The following EPN1 variants were observed in gnomAD, a reference collection of about 807,000 sequenced individuals.
EPN1 encodes the protein epsin 1, also known as epsin-1.
EPN1 carries 25 observed loss-of-function variants against 56.9 expected under a neutral mutation model. That is an observed-to-expected ratio of 0.44 (90% CI 0.32 to 0.61). The LOEUF (loss-of-function observed/expected upper bound fraction) is 0.61, where lower values mean the gene tolerates loss of function less well. Among genes scored for constraint, EPN1 ranks in the 20% least tolerant of loss-of-function variants. EPN1 has a pLI of 0.05. For missense variants in EPN1, 785 were observed against 823.7 expected, an observed-to-expected ratio of 0.95 and a Z score of 0.58; for synonymous variants, 411 against 361.8, an observed-to-expected ratio of 1.14 and a Z score of -1.54.
chr19:55,687,945 G>A (rs1986275834), intron 3 of EPN1, among the ~76,000 whole-genome samples: 2 of 152,222 alleles, frequency 1.3e-5, no homozygotes, highest in Admixed American at 6.5e-5. Flanking sequence ...TGCTCGTCAG[G>A]GAGAGGCCTG....
At position 55,680,110 on chromosome 19, in the gene EPN1, G is replaced by A. The variant is rs1019523565; in HGVS notation, c.228+1255G>A. 5.9e-5 allele frequency among the ~76,000 whole-genome samples: 9 copies of A among 152,298 alleles called. No individual in the cohort carries two copies. In the South Asian group the frequency reaches 1.4e-3, roughly 25 times the overall value. On this transcript the variant is annotated intron_variant, in intron 2 of 10. Coordinates refer to ENST00000270460, the MANE Select transcript of EPN1 (RefSeq NM_001130072.2). ...TGTGGTGCTGGCAGCCAGGGTGGAC[G>A]GCAGGACAGGGCAGTGCAGGAGAGG...
At chr19:55,677,772 C>T in intron 1 of EPN1, 4 of 1,474,682 alleles carry the variant, frequency 2.7e-6, no homozygotes, top group Non-Finnish European at 3.6e-6. Context: ...TTAATCCCTT[C>T]ATCAGCCTTC....
chr19:55,693,787 G>A (rs897779446), intron 9 of EPN1, among the ~76,000 whole-genome samples: 28 of 152,152 alleles, frequency 1.8e-4, no homozygotes, highest in Non-Finnish European at 3.1e-4. Context: ...CTGCACCCAC[G>A]CTTCCCTCCT....
At chr19:55,693,627 C>T (rs1232390205) in intron 9 of EPN1, among the ~76,000 whole-genome samples, 3 of 152,330 alleles carry the variant, frequency 2.0e-5, no homozygotes, top group South Asian at 4.1e-4. Flanking sequence ...TGCTTCGCCG[C>T]GGCCCTCAGC....
chr19:55,677,103 A>G lies in EPN1; in HGVS notation c.-101-1424A>G, dbSNP rs1985488327. 1.1e-5 allele frequency: 17 copies of G among 1,544,218 alleles called. No individual in the cohort carries two copies. The East Asian group carries it at 1.5e-4, about 13-fold the overall frequency. ...AGGCCAGCCTCTCTCCGTCATCCCT[A>G]TCTCCCCTGGGCTTACATCATGGCG... On this transcript the variant is annotated intron_variant, in intron 1 of 10. Transcript: ENST00000270460.
chr19:55,693,724 G>A (rs1187492645), intron 9 of EPN1, among the ~76,000 whole-genome samples: 8 of 152,144 alleles, frequency 5.3e-5, no homozygotes, highest in Admixed American at 4.6e-4. Flanking sequence ...AGCAGGTTGT[G>A]GTACAGAAAC....
rs1439423320 is a variant in EPN1, at chr19:55,706,156, T to TCCTCCTC, written c.*10804_*10805insCTCCCTC. The TCCTCCTC allele has an allele frequency of 5.3e-6, 1 of 187,042 alleles. No homozygotes were observed. Among genetic ancestry groups the TCCTCCTC allele is most frequent in the Non-Finnish European group, 1.1e-5 (1 of 89,146 alleles). The allele number at this position is 187,042 out of a possible 1,614,324, so 11.6% of individuals were successfully genotyped here. A position where few individuals can be genotyped will look rare whatever the true frequency, so the allele number is the denominator to read the frequency against. ...AACTTTGATTTCTTCTTCCTCCTCC[T>TCCTCCTC]CCTCTCTTTTCTTCTTCCTCTTCCT... On this transcript the variant is annotated 3_prime_UTR_variant, in exon 11 of 11. Coordinates refer to ENST00000270460, the MANE Select transcript of EPN1 (RefSeq NM_001130072.2).
rs1433301260 is a variant in EPN1, at chr19:55,692,033, C to T, written c.1042C>T (p.Pro348Ser). Residue 348 changes from proline to serine, a missense_variant, in exon 7 of 11, where the codon CCT becomes TCT. By Grantham distance (74) the Pro-to-Ser change is moderately conservative. Transcript: ENST00000270460. Reference sequence around the variant, plus strand: ...CCCTGCAGCTGGGGAGGGGCCCACGCCTGATCCATGGGGAAGTTCCGATGG... The same window carrying T: ...CCCTGCAGCTGGGGAGGGGCCCACGTCTGATCCATGGGGAAGTTCCGATGG... ...PAPAAGEGPT[P>S]DPWGSSDGGV... The T allele has an allele frequency of 2.7e-6, 4 of 1,460,074 alleles. No individual in the cohort carries two copies. The highest frequency in any genetic ancestry group is 2.9e-5 in the African/African-American group (2 of 70,114). The allele number at this position is 1,460,074 out of a possible 1,614,324, so 90.4% of individuals were successfully genotyped here.
Position 55,692,732 on chromosome 19 carries a change from G to A in EPN1, c.1113G>A (p.Pro371=), listed in dbSNP as rs377500350. Residue 371 remains proline, a synonymous_variant, in exon 8 of 11, where the codon CCG becomes CCA. Transcript: ENST00000270460. ...CCTCAGCCTCCGATCCCTGGACACC[G>A]GCCCCGGCCTTCTCAGATCCCTGGG... is the stretch of plus-strand genomic sequence containing the variant. ...SGPSASDPWT[P]APAFSDPWGG... is the part of the protein sequence containing the mutation. The A allele has an allele frequency of 2.4e-5, 37 of 1,571,248 alleles. No homozygotes were observed. Among genetic ancestry groups the A allele is most frequent in the Admixed American group, 1.5e-4 (8 of 52,996 alleles).
Position 55,701,158 on chromosome 19 carries a change from G to A in EPN1, c.*5802G>A, listed in dbSNP as rs996545243. On this transcript the variant is annotated 3_prime_UTR_variant, in exon 11 of 11. Transcript: ENST00000270460. Reference sequence around the variant, plus strand: ...CAGCCACATGAAAAGGGTTAGAAATGATACTGTTTCGCCTGGGTGCTGTGG... The same window carrying A: ...CAGCCACATGAAAAGGGTTAGAAATAATACTGTTTCGCCTGGGTGCTGTGG... 1 of 152,150 alleles carries A rather than the reference G, an allele frequency of 6.6e-6. No individual in the cohort carries two copies. The highest frequency in any genetic ancestry group is 2.4e-5 in the African/African-American group (1 of 41,434). 9.4% of individuals were successfully genotyped at this position (152,150 alleles called of 1,614,324 possible).
intron 2 of EPN1, among the ~76,000 whole-genome samples, chr19:55,680,179 G>A (rs1324542203): frequency 6.6e-6 from 1 of 152,186 alleles, no homozygotes; most frequent in East Asian, 1.9e-4. Flanking sequence ...CTGCTTTACT[G>A]AGGTGTAATT....
At chr19:55,679,747 GCTCGTTTCCTGTGA>G (rs1319011807) in intron 2 of EPN1, among the ~76,000 whole-genome samples, 4 of 152,210 alleles carry the variant, frequency 2.6e-5, no homozygotes, top group African/African-American at 9.6e-5. Context: ...AGGGGTTGAG[GCTCGTTTCCTGTGA>G]CTCGTTTTCA....
chr19:55,694,677 G>T lies in EPN1; in HGVS notation c.1265-49G>T. ...TGGCCTATACTGCTCCCGGGTTGGA[G>T]CCTCACTGCTGTCTGCCCTGTCTGA... On this transcript the variant is annotated intron_variant, in intron 9 of 10. Transcript: ENST00000270460. The surrounding 1 kb of genome is among the most constrained non-coding windows in gnomAD (Gnocchi z 4.2). 1.3e-6 allele frequency: 2 copies of T among 1,512,298 alleles called. No homozygotes were observed. Among genetic ancestry groups the T allele is most frequent in the Non-Finnish European group, 8.8e-7 (1 of 1,132,736 alleles). The allele number at this position is 1,512,298 out of a possible 1,614,324, so 93.7% of individuals were successfully genotyped here.
chr19:55,689,233 G>T lies in EPN1; in HGVS notation c.604-64G>T. ...TCTTTCTTCGGCTCTATCTGACCCT[G>T]GCTCTGCCTCTGACTCTGCCTCTGG... On this transcript the variant is annotated intron_variant, in intron 4 of 10. Coordinates refer to ENST00000270460, the MANE Select transcript of EPN1 (RefSeq NM_001130072.2). This position sits in a 1 kb window ranked among gnomAD's most constrained non-coding sequence, Gnocchi z 5.7. 1 of 1,291,272 alleles carries T rather than the reference G, an allele frequency of 7.7e-7. No individual in the cohort carries two copies. Among genetic ancestry groups the T allele is most frequent in the Admixed American group, 2.0e-5 (1 of 50,174 alleles). 80.0% of individuals were successfully genotyped at this position (1,291,272 alleles called of 1,614,324 possible). A position where few individuals can be genotyped will look rare whatever the true frequency, so the allele number is the denominator to read the frequency against.
chr19:55,691,876 C>T lies in EPN1; in HGVS notation c.885C>T (p.Pro295=). The T allele has an allele frequency of 6.2e-7, 1 of 1,602,708 alleles. No homozygotes were observed. Among genetic ancestry groups the T allele is most frequent in the Non-Finnish European group, 8.5e-7 (1 of 1,174,226 alleles). ...CCACGGCTGCCCCCACCTCGGACCC[C>T]TGGGGCGGCCCCCCTGTCCCTCCAG... ...AVPTAAPTSD[P]WGGPPVPPAA... is the part of the protein sequence containing the mutation. The change falls in exon 7 of 11, where the codon CCC becomes CCT. Residue 295 remains proline (P), a synonymous_variant. Transcript: ENST00000270460. The surrounding 1 kb of genome is among the most constrained non-coding windows in gnomAD (Gnocchi z 5.6).
At position 55,678,726 on chromosome 19, in the gene EPN1, G is replaced by T. The variant is rs1985604413; in HGVS notation, c.99G>T (p.Trp33Cys). ...GAGAGGCCACGAGCAATGACCCCTG[G>T]GGCCCATCCAGCTCCCTCATGTCAG... is the stretch of plus-strand genomic sequence containing the variant. ...KVREATSNDP[W>C]GPSSSLMSEI... Residue 33 changes from tryptophan (W) to cysteine (C), a missense_variant, in exon 2 of 11, where the codon TGG becomes TGT. By Grantham distance (215) the Trp-to-Cys change is radical. Around this residue, in one of 2 missense-constraint regions of EPN1, gnomAD observed 135 missense variants for 218.7 expected, o/e 0.62. Coordinates refer to ENST00000270460, the MANE Select transcript of EPN1 (RefSeq NM_001130072.2). The T allele has an allele frequency of 6.2e-7, 1 of 1,614,018 alleles. No homozygotes were observed. Among genetic ancestry groups the T allele is most frequent in the African/African-American group, 1.3e-5 (1 of 74,896 alleles).
intron 1 of EPN1, chr19:55,677,181 C>G (rs1220306040): frequency 3.9e-6 from 6 of 1,550,844 alleles, no homozygotes; most frequent in Admixed American, 2.0e-5. Context: ...GATGGGTGAT[C>G]AGAGCTGGCT....
At chr19:55,675,759 G>C (rs977689977) in intron 1 of EPN1, among the ~76,000 whole-genome samples, 1 of 152,150 alleles carries the variant, frequency 6.6e-6, no homozygotes, top group African/African-American at 2.4e-5. Flanking sequence ...GTCTGTGTCT[G>C]TCAGGATTTG....
At position 55,685,770 on chromosome 19, in the gene EPN1, C is replaced by A. The variant is rs940279168; in HGVS notation, c.478+125C>A. ...GGGACCGCGGCATCCCCCTTTGCTTCTCCTCACCTGGGCCCCTTGCTCTGG... is the reference window on the plus strand; with the variant it reads ...GGGACCGCGGCATCCCCCTTTGCTTATCCTCACCTGGGCCCCTTGCTCTGG... On this transcript the variant is annotated intron_variant, in intron 3 of 10. Coordinates refer to ENST00000270460, the MANE Select transcript of EPN1 (RefSeq NM_001130072.2). The A allele has an allele frequency of 6.3e-6, 8 of 1,261,834 alleles. No individual in the cohort carries two copies. In the African/African-American group the frequency reaches 1.2e-4, roughly 19 times the overall value. 78.2% of individuals were successfully genotyped at this position (1,261,834 alleles called of 1,614,324 possible). A position where few individuals can be genotyped will look rare whatever the true frequency, so the allele number is the denominator to read the frequency against.
Sources: allele counts gnomAD v4.1 joint callset (sites outside exome capture counted in the v4.1 genomes callset), GRCh38; gene constraint gnomAD v4.1.1; regional missense constraint gnomAD v4.1.1; non-coding constraint Gnocchi (gnomAD v3.1); transcripts MANE v1.5; gene names NCBI Gene and HGNC (gene_info 2026-07-23, HGNC 2026-07-21).